AKR1C8: variants seen among roughly 807,000 people sequenced by gnomAD.
AKR1C8 encodes aldo-keto reductase family 1 member C-like protein 1.
At chr10:5,163,828 C>T in the AKR1C8 span, among the ~76,000 whole-genome samples, 2 of 152,172 alleles carry the variant, frequency 1.3e-5, no homozygotes, top group Non-Finnish European at 2.9e-5. Flanking sequence ...GAACAAGACT[C>T]ACCACAGATA....
the AKR1C8 span, among the ~76,000 whole-genome samples, chr10:5,122,417 A>G: frequency 2.0e-5 from 3 of 152,174 alleles, no homozygotes; most frequent in South Asian, 2.1e-4. Flanking sequence ...AAATATTTCT[A>G]GAAAATTGCT....
At chr10:5,139,228 A>G in the AKR1C8 span, among the ~76,000 whole-genome samples, 2 of 152,226 alleles carry the variant, frequency 1.3e-5, no homozygotes, top group African/African-American at 4.8e-5. Context: ...ATACTGCCCA[A>G]GGTAATTTAT....
At chr10:5,175,248 A>G in the AKR1C8 span, among the ~76,000 whole-genome samples, 15 of 151,770 alleles carry the variant, frequency 9.9e-5, no homozygotes, top group South Asian at 2.7e-3. Context: ...TCCTTGCGAT[A>G]GTTTACTGAG....
the AKR1C8 span, among the ~76,000 whole-genome samples, chr10:5,128,965 C>T: frequency 6.6e-6 from 1 of 152,038 alleles, no homozygotes; most frequent in East Asian, 1.9e-4. Flanking sequence ...TTCTACCCGC[C>T]AACTGCGGAA....
At chr10:5,168,706 C>T in the AKR1C8 span, among the ~76,000 whole-genome samples, 1 of 152,030 alleles carries the variant, frequency 6.6e-6, no homozygotes, top group Non-Finnish European at 1.5e-5. Context: ...TCTCCTGTAA[C>T]TGGCTGAAAA....
At chr10:5,169,012 T>C in the AKR1C8 span, among the ~76,000 whole-genome samples, 79,907 of 151,874 alleles carry the variant, frequency 0.53, 22,034 homozygotes, top group Non-Finnish European at 0.6. Flanking sequence ...CCTGATTCAA[T>C]TGAGGGACAA....
the AKR1C8 span, among the ~76,000 whole-genome samples, chr10:5,145,536 A>G: frequency 1.3e-5 from 2 of 152,208 alleles, no homozygotes. Flanking sequence ...AAGTGGGCAA[A>G]GGACATGAAC....
At chr10:5,155,941 T>C in the AKR1C8 span, among the ~76,000 whole-genome samples, 5 of 152,200 alleles carry the variant, frequency 3.3e-5, no homozygotes, top group Non-Finnish European at 7.3e-5. Context: ...ACCTTCATTC[T>C]GCCTCTTCTC....
At chr10:5,157,616 G>T in the AKR1C8 span, 1 of 467,790 alleles carries the variant, frequency 2.1e-6, no homozygotes, top group South Asian at 1.6e-5. Context: ...ACTCTGGAGC[G>T]ACTCTGCTCA....
the AKR1C8 span, among the ~76,000 whole-genome samples, chr10:5,134,255 C>G: frequency 8.5e-5 from 13 of 152,254 alleles, no homozygotes; most frequent in East Asian, 1.7e-3. Context: ...TTACTTCCCC[C>G]TCATGCCAAT....
chr10:5,126,969 G>T, the AKR1C8 span, among the ~76,000 whole-genome samples: 59,344 of 151,542 alleles, frequency 0.39, 12,353 homozygotes, highest in Non-Finnish European at 0.43. Context: ...TCAAGAACAA[G>T]TAGAAGAAGT....
At chr10:5,157,540 G>T in the AKR1C8 span, 3 of 386,348 alleles carry the variant, frequency 7.8e-6, no homozygotes, top group South Asian at 6.1e-5. Context: ...GGAGAGCACA[G>T]GAATGAATGA....
the AKR1C8 span, among the ~76,000 whole-genome samples, chr10:5,165,113 T>C: frequency 2.6e-5 from 4 of 152,246 alleles, no homozygotes; most frequent in Admixed American, 2.0e-4. Context: ...GGCCTTTTTG[T>C]CCCTACTGAT....
At chr10:5,154,466 T>G in the AKR1C8 span, 2 of 277,212 alleles carry the variant, frequency 7.2e-6, no homozygotes, top group African/African-American at 4.4e-5. Flanking sequence ...TTTTACAATT[T>G]GTTCTTTTTA....
chr10:5,152,950 C>T, the AKR1C8 span, among the ~76,000 whole-genome samples: 1 of 151,734 alleles, frequency 6.6e-6, no homozygotes, highest in African/African-American at 2.4e-5. Context: ...TATGACAAAG[C>T]TGTTCAATGT....
chr10:5,152,836 T>C, the AKR1C8 span, among the ~76,000 whole-genome samples: 1 of 152,204 alleles, frequency 6.6e-6, no homozygotes, highest in Non-Finnish European at 1.5e-5. Context: ...AATTTTCTCT[T>C]AGCCCCTAAA....
the AKR1C8 span, among the ~76,000 whole-genome samples, chr10:5,181,350 A>C: frequency 2.6e-5 from 4 of 152,206 alleles, no homozygotes; most frequent in Non-Finnish European, 5.9e-5. Context: ...CATAATAAAG[A>C]CTAATAAAAA....
At chr10:5,164,578 G>A in the AKR1C8 span, among the ~76,000 whole-genome samples, 2 of 152,050 alleles carry the variant, frequency 1.3e-5, no homozygotes, top group African/African-American at 4.8e-5. Context: ...TCTCTCAAGA[G>A]CAAACAAAAC....
At chr10:5,172,475 T>A in the AKR1C8 span, among the ~76,000 whole-genome samples, 2 of 152,108 alleles carry the variant, frequency 1.3e-5, no homozygotes, top group Non-Finnish European at 2.9e-5. Flanking sequence ...AAAGTAAGGA[T>A]ATTTTACTAA....
Sources: gnomAD v4.1 joint callset for allele counts (sites outside exome capture counted in the v4.1 genomes callset) on GRCh38, gnomAD v4.1.1 for gene constraint, MANE v1.5 for transcripts, NCBI Gene and HGNC (gene_info 2026-07-23, HGNC 2026-07-21) for gene names.